Variants in HTR2A observed in about 807,000 individuals in gnomAD.
HTR2A encodes 5-hydroxytryptamine receptor 2A, also known as 5-HT2 receptor.
Under a neutral mutation model 31.0 loss-of-function variants are expected in HTR2A, and 14 were observed. That is an observed-to-expected ratio of 0.45 (90% confidence interval 0.30 to 0.71). The LOEUF (loss-of-function observed/expected upper bound fraction) is 0.71, where lower values mean the gene tolerates loss of function less well. HTR2A is among the 30% of genes least tolerant of loss of function. The probability of loss-of-function intolerance (pLI) is 0.09; values close to 1 mark genes in which losing one functional copy is unlikely to be tolerated. For synonymous variants in HTR2A, 209 were observed against 225.2 expected, an observed-to-expected ratio of 0.93 and a Z score of 0.64; for missense variants, 442 against 573.3, an observed-to-expected ratio of 0.77 and a Z score of 2.34.
chr13:46,851,603 G>A (rs1310459403), intron 3 of HTR2A, among the ~76,000 whole-genome samples: 1 of 152,216 alleles, frequency 6.6e-6, no homozygotes, highest in African/African-American at 2.4e-5. Flanking sequence ...ACAAGGGCAG[G>A]ATGGATGTAG....
chr13:46,856,508 A>C (rs578026769), intron 3 of HTR2A, among the ~76,000 whole-genome samples: 4 of 152,232 alleles, frequency 2.6e-5, no homozygotes, highest in African/African-American at 7.2e-5. Context: ...AGGTCTTCTA[A>C]ATGGATGTAA....
intron 3 of HTR2A, among the ~76,000 whole-genome samples, chr13:46,864,443 T>C (rs1950804603): frequency 6.6e-6 from 1 of 152,110 alleles, no homozygotes; most frequent in African/African-American, 2.4e-5. Flanking sequence ...TTTCTTTGGC[T>C]CTTTGAGATG....
intron 3 of HTR2A, among the ~76,000 whole-genome samples, chr13:46,848,500 C>A (rs1389917598): frequency 1.3e-5 from 2 of 152,148 alleles, no homozygotes; most frequent in African/African-American, 2.4e-5. Context: ...TGGGGGAAAA[C>A]CCCACATTTA....
chr13:46,867,267 G>A (rs185744930), intron 3 of HTR2A, among the ~76,000 whole-genome samples: 1 of 152,248 alleles, frequency 6.6e-6, no homozygotes, highest in African/African-American at 2.4e-5. Flanking sequence ...CTAGAGATAA[G>A]TTACCCTTAA....
chr13:46,881,273 G>A (rs1454173922), intron 3 of HTR2A, among the ~76,000 whole-genome samples: 2 of 152,122 alleles, frequency 1.3e-5, no homozygotes, highest in Non-Finnish European at 2.9e-5. Flanking sequence ...GTGGCCCTGC[G>A]GATCCTTTGT....
In HTR2A at chr13:46,834,773, T is replaced by C; in HGVS notation, c.*64A>G. ...TAATTTTTTCCAATCTCATATTTTTTTTTTTCCAGATAGGTGAAAACTTGC... is the reference window on the plus strand; with the variant it reads ...TAATTTTTTCCAATCTCATATTTTTCTTTTTCCAGATAGGTGAAAACTTGC... On this transcript the variant is annotated 3_prime_UTR_variant, in exon 4 of 4. Coordinates refer to ENST00000542664, the MANE Select transcript of HTR2A (RefSeq NM_000621.5). 7.4e-7 allele frequency: 1 copy of C among 1,350,664 alleles called. No individual in the cohort carries two copies. The highest frequency in any genetic ancestry group is 1.0e-6 in the Non-Finnish European group (1 of 984,754). 83.7% of individuals were successfully genotyped at this position (1,350,664 alleles called of 1,614,324 possible).
At chr13:46,873,919 C>T (rs1039096264) in intron 3 of HTR2A, among the ~76,000 whole-genome samples, 2 of 152,110 alleles carry the variant, frequency 1.3e-5, no homozygotes, top group Non-Finnish European at 2.9e-5. Context: ...GTTCTGAAGG[C>T]CATAACCAGA....
chr13:46,894,066 GC>G (rs1424723752), intron 2 of HTR2A, among the ~76,000 whole-genome samples: 2 of 152,250 alleles, frequency 1.3e-5, no homozygotes, highest in Non-Finnish European at 2.9e-5. Flanking sequence ...GGGTTTCTCT[GC>G]CAGGAGGCGG....
chr13:46,887,580 C>T (rs562232640), intron 3 of HTR2A, among the ~76,000 whole-genome samples: 3 of 151,778 alleles, frequency 2.0e-5, no homozygotes, highest in African/African-American at 7.3e-5. Flanking sequence ...ATCCAGATAA[C>T]TTGTGATTAA....
chr13:46,840,931 C>A (rs1314223431), intron 3 of HTR2A, among the ~76,000 whole-genome samples: 1 of 152,108 alleles, frequency 6.6e-6, no homozygotes, highest in East Asian at 1.9e-4. Context: ...AATTGTAATC[C>A]TCATAATCCC....
rs1191595275 is a variant in HTR2A at position 46,896,121 on chromosome 13, G to A, written c.-215C>T. On this transcript the variant is annotated 5_prime_UTR_variant, in exon 2 of 4. Coordinates refer to ENST00000542664, the MANE Select transcript of HTR2A (RefSeq NM_000621.5). ...GTTTTCTTCATTCACAATTTTAGGA[G>A]AGTCCACTGTTTGGTTTTATTATTT... 5 of 1,301,686 alleles carry A rather than the reference G, an allele frequency of 3.8e-6. No individual in the cohort carries two copies. Among genetic ancestry groups the A allele is most frequent in the Non-Finnish European group, 4.9e-6 (5 of 1,030,522 alleles). 80.6% of individuals were successfully genotyped at this position (1,301,686 alleles called of 1,614,324 possible).
chr13:46,835,192 T>C lies in HTR2A; in HGVS notation c.1061A>G (p.Asn354Ser). ...IMAVICKESC[N>S]EDVIGALLNV... ...GAGCAGGGCCCCAATGACATCCTCA[T>C]TGCAGGACTCTTTGCAGATGACGGC... is the stretch of plus-strand genomic sequence containing the variant. The change falls in exon 4 of 4, where the codon AAT becomes AGT. Residue 354 changes from asparagine (N) to serine (S), a missense_variant. Transcript: ENST00000542664. 1 of 1,614,132 alleles carries C rather than the reference T, an allele frequency of 6.2e-7. No homozygotes were observed. The highest frequency in any genetic ancestry group is 8.5e-7 in the Non-Finnish European group (1 of 1,180,010).
chr13:46,853,899 T>TA (rs1428367467), intron 3 of HTR2A: 2 of 152,226 alleles, frequency 1.3e-5, no homozygotes, highest in East Asian at 3.8e-4. Context: ...TTGCAGTTTT[T>TA]ATGCTAGTTT....
chr13:46,872,338 A>G (rs1298579345), intron 3 of HTR2A, among the ~76,000 whole-genome samples: 3 of 152,182 alleles, frequency 2.0e-5, no homozygotes, highest in Non-Finnish European at 4.4e-5. Context: ...TTATTTGACC[A>G]CTCTGTATAT....
rs371245160 is a variant in HTR2A, at chr13:46,848,321, A to G, written c.614-12682T>C. Among the ~76,000 whole-genome samples, 56 of 152,342 alleles carry G rather than the reference A, an allele frequency of 3.7e-4. 1 individual carries two copies. The highest frequency in any genetic ancestry group is 1.3e-3 in the African/African-American group (56 of 41,586). On this transcript the variant is annotated intron_variant, in intron 3 of 3. Transcript: ENST00000542664. ...AAAGATGCACTGAGTTCAGGTTAAA[A>G]GCAGCTTTAATCAAGAAGTTTATCT...
chr13:46,844,619 T>C (rs1388793303), intron 3 of HTR2A, among the ~76,000 whole-genome samples: 1 of 152,220 alleles, frequency 6.6e-6, no homozygotes. Context: ...TTCTGACTCA[T>C]ATCCTGGATC....
intron 3 of HTR2A, among the ~76,000 whole-genome samples, chr13:46,857,490 T>C (rs936387395): frequency 3.9e-5 from 6 of 152,094 alleles, no homozygotes; most frequent in African/African-American, 1.4e-4. Context: ...TCTAATCTCA[T>C]TCCTGAGAGC....
rs1177872907 is a variant in HTR2A at position 46,895,212 on chromosome 13, G to A, written c.412+283C>T. ...ATTTATAAAAATTTCTACATTAAATGTACATGTTTTGAAGCACAAAACTCT... is the reference window on the plus strand; with the variant it reads ...ATTTATAAAAATTTCTACATTAAATATACATGTTTTGAAGCACAAAACTCT... On this transcript the variant is annotated intron_variant, in intron 2 of 3. Transcript: ENST00000542664. This position sits in a 1 kb window ranked among gnomAD's most constrained non-coding sequence, Gnocchi z 4.4. 6 of 323,084 alleles carry A rather than the reference G, an allele frequency of 1.9e-5. No homozygotes were observed. The highest frequency in any genetic ancestry group is 2.8e-5 in the Non-Finnish European group (5 of 175,942). The allele number at this position is 323,084 out of a possible 1,614,324, so 20.0% of individuals were successfully genotyped here. A position where few individuals can be genotyped will look rare whatever the true frequency, so the allele number is the denominator to read the frequency against.
chr13:46,894,160 G>A (rs1951079721), intron 2 of HTR2A, among the ~76,000 whole-genome samples: 1 of 152,204 alleles, frequency 6.6e-6, no homozygotes, highest in Non-Finnish European at 1.5e-5. Context: ...CACGCCCCGT[G>A]GGCTGGGGGA....
Sources: gnomAD v4.1 joint callset for allele counts (sites outside exome capture counted in the v4.1 genomes callset) on GRCh38, gnomAD v4.1.1 for gene constraint, Gnocchi (gnomAD v3.1) non-coding constraint, MANE v1.5 for transcripts, NCBI Gene and HGNC (gene_info 2026-07-23, HGNC 2026-07-21) for gene names.